Variants in DLG2 observed in about 807,000 individuals in gnomAD.
DLG2 encodes disks large homolog 2.
DLG2 carries 45 observed loss-of-function variants against 132.5 expected under a neutral mutation model. That is an observed-to-expected ratio of 0.34 (90% confidence interval 0.27 to 0.44). The LOEUF (loss-of-function observed/expected upper bound fraction) is 0.44. Ranked by LOEUF, DLG2 falls within the 20% of genes least tolerant of loss-of-function variation. The pLI, the probability that DLG2 is intolerant of heterozygous loss-of-function variation, is 1.00. For missense variants in DLG2, 1,045 were observed against 1,196.9 expected (o/e 0.87, Z 1.87); for synonymous variants, 424 against 419.6 (o/e 1.01, Z -0.13).
intron 18 of DLG2, among the ~76,000 whole-genome samples, chr11:83,699,708 TA>T (rs34411036): frequency 0.042 from 6,040 of 145,310 alleles, 181 homozygotes; most frequent in Middle Eastern, 0.1. Flanking sequence ...AGACTCCGTC[TA>T]AAAAAAAACA....
chr11:83,738,549 T>C (rs1390503310), intron 18 of DLG2, among the ~76,000 whole-genome samples: 16 of 152,144 alleles, frequency 1.1e-4, no homozygotes, highest in Admixed American at 1.0e-3. Context: ...CAATTTCCTC[T>C]GCCTCAAAAC....
At chr11:84,554,660 C>T (rs886514131) in intron 6 of DLG2, among the ~76,000 whole-genome samples, 8 of 152,024 alleles carry the variant, frequency 5.3e-5, no homozygotes, top group African/African-American at 1.9e-4. Flanking sequence ...GCAGGAGAAT[C>T]ACTTGAACAC....
intron 6 of DLG2, among the ~76,000 whole-genome samples, chr11:84,859,421 C>T (rs540663309): frequency 6.4e-5 from 9 of 140,368 alleles, no homozygotes; most frequent in East Asian, 2.1e-4. Context: ...TATATGTATA[C>T]ATATACATAT....
intron 4 of DLG2, among the ~76,000 whole-genome samples, chr11:85,235,333 G>A (rs966916214): frequency 6.6e-6 from 1 of 151,908 alleles, no homozygotes; most frequent in African/African-American, 2.4e-5. Flanking sequence ...CTTATATTGG[G>A]ATATTGTATG....
Position 85,157,937 on chromosome 11 carries a change from CTG to C in DLG2, c.187-3288_187-3287del, listed in dbSNP as rs535766583. The stretch of plus-strand genomic sequence containing the variant: ...GACCCATTAGCCTTTCCACCGTTGT[CTG>C]AGGAGATAAACCCCGCACTGCCTGA... On this transcript the variant is annotated intron_variant, in intron 4 of 27. Transcript: ENST00000376104. Among the ~76,000 whole-genome samples the C allele has an allele frequency of 5.2e-3, 793 of 152,092 alleles. 4 individuals carry two copies. Among genetic ancestry groups the C allele is most frequent in the African/African-American group, 0.018 (761 of 41,456 alleles).
chr11:83,888,681 G>A lies in DLG2; in HGVS notation c.1497-14193C>T, dbSNP rs76750137. Among the ~76,000 whole-genome samples, 148 of 152,046 alleles carry A rather than the reference G, an allele frequency of 9.7e-4. 2 individuals carry two copies. The East Asian group carries it at 0.022, about 23-fold the overall frequency. ...AAAAGAACAAAGCTGGAGGCATCACGTTACCTGACTTCAAACTTGTAGTAT... is the reference window on the plus strand; with the variant it reads ...AAAAGAACAAAGCTGGAGGCATCACATTACCTGACTTCAAACTTGTAGTAT... On this transcript the variant is annotated intron_variant, in intron 15 of 27. Transcript: ENST00000376104.
chr11:85,581,429 G>A (rs888806940), intron 3 of DLG2, among the ~76,000 whole-genome samples: 1 of 151,628 alleles, frequency 6.6e-6, no homozygotes, highest in Non-Finnish European at 1.5e-5. Flanking sequence ...GGGCAACATG[G>A]TGAAACCCCA....
At chr11:84,083,191 A>G (rs551499921) in intron 10 of DLG2, among the ~76,000 whole-genome samples, 1 of 152,302 alleles carries the variant, frequency 6.6e-6, no homozygotes, top group Admixed American at 6.5e-5. Context: ...GAGGCAGGAG[A>G]ATCGCTTGAA....
chr11:85,376,137 G>C (rs1015683492), intron 3 of DLG2, among the ~76,000 whole-genome samples: 42 of 152,192 alleles, frequency 2.8e-4, no homozygotes, highest in African/African-American at 9.2e-4. Context: ...TCCCCACAGA[G>C]GGCTTACAAT....
At chr11:85,413,190 T>C (rs1414978911) in intron 3 of DLG2, among the ~76,000 whole-genome samples, 2 of 152,076 alleles carry the variant, frequency 1.3e-5, no homozygotes, top group African/African-American at 4.8e-5. Context: ...TGTATGTTTG[T>C]TGGCCATTTG....
intron 19 of DLG2, among the ~76,000 whole-genome samples, chr11:83,617,483 T>A (rs2060999481): frequency 6.6e-6 from 1 of 152,224 alleles, no homozygotes; most frequent in Non-Finnish European, 1.5e-5. Context: ...ACCTTGTTAT[T>A]TAGTAAAATT....
At chr11:84,935,826 T>C (rs1566445742) in intron 6 of DLG2, among the ~76,000 whole-genome samples, 1 of 152,196 alleles carries the variant, frequency 6.6e-6, no homozygotes, top group Non-Finnish European at 1.5e-5. Flanking sequence ...ACCCTGCATC[T>C]AGCCAAAACA....
At chr11:84,332,375 C>G (rs1229576699) in intron 7 of DLG2, among the ~76,000 whole-genome samples, 2 of 151,918 alleles carry the variant, frequency 1.3e-5, no homozygotes, top group African/African-American at 4.8e-5. Flanking sequence ...CCACGCCCGG[C>G]TAATTTTTGT....
intron 7 of DLG2, among the ~76,000 whole-genome samples, chr11:84,529,630 C>G (rs142908621): frequency 2.0e-5 from 3 of 152,232 alleles, no homozygotes; most frequent in Non-Finnish European, 4.4e-5. Flanking sequence ...AAAAATTGCT[C>G]AAGGAAATCC....
At chr11:83,618,647 A>G (rs554900104) in intron 19 of DLG2, among the ~76,000 whole-genome samples, 7 of 152,316 alleles carry the variant, frequency 4.6e-5, no homozygotes, top group Middle Eastern at 3.4e-3. Flanking sequence ...CCAGAACCCA[A>G]GCTTTTGGCC....
intron 6 of DLG2, among the ~76,000 whole-genome samples, chr11:84,972,374 C>G (rs1052367117): frequency 6.6e-6 from 1 of 152,146 alleles, no homozygotes; most frequent in Non-Finnish European, 1.5e-5. Context: ...AGAGATCAAG[C>G]AGTTGAGCTA....
At chr11:84,980,662 G>T (rs1349526251) in intron 6 of DLG2, among the ~76,000 whole-genome samples, 3 of 152,136 alleles carry the variant, frequency 2.0e-5, no homozygotes, top group Non-Finnish European at 4.4e-5. Flanking sequence ...AATACCTAAG[G>T]TTAGTAGCTT....
chr11:83,994,473 A>T (rs2093912830), intron 11 of DLG2, among the ~76,000 whole-genome samples: 1 of 152,102 alleles, frequency 6.6e-6, no homozygotes, highest in Non-Finnish European at 1.5e-5. Context: ...AGGTGAAGGG[A>T]TTCCCCCAAC....
At chr11:84,961,526 T>TTGTGTGTGTGTGTGTGTGTG (rs71465017) in intron 6 of DLG2, among the ~76,000 whole-genome samples, 1 of 143,784 alleles carries the variant, frequency 7.0e-6, no homozygotes, top group South Asian at 2.3e-4. Context: ...AATTGTATCT[T>TTGTGTGTGTGTGTGTGTGTG]TGTGTGTGTG....
Sources: gnomAD v4.1 joint callset for allele counts (sites outside exome capture counted in the v4.1 genomes callset) on GRCh38, gnomAD v4.1.1 for gene constraint, MANE v1.5 for transcripts, NCBI Gene and HGNC (gene_info 2026-07-23, HGNC 2026-07-21) for gene names.